Variants in SLC66A1 observed in about 807,000 individuals in gnomAD.
SLC66A1 encodes the protein lysosomal amino acid transporter 1 homolog.
A neutral mutation model predicts 33.0 loss-of-function variants in SLC66A1; 23 were observed. The ratio of observed to expected loss-of-function variants is 0.70; its 90% CI spans 0.50 to 0.99. SLC66A1 has a LOEUF of 0.99. Among genes scored for constraint, SLC66A1 ranks in the 50% least tolerant of loss-of-function variants. The pLI is 0.00. For missense variants in SLC66A1, 335 were observed against 383.6 expected, an observed-to-expected ratio of 0.87 and a Z score of 1.06; for synonymous variants, 164 against 175.5, an observed-to-expected ratio of 0.93 and a Z score of 0.52.
chr1:19,326,139 C>A, intron 4 of SLC66A1, 106 bp from the exon 5 acceptor site: 1 of 1,108,130 alleles, frequency 9.0e-7, no homozygotes, highest in South Asian at 1.5e-5. Context: ...GTCACTTGCC[C>A]AAGGTCACAC....
At chr1:19,327,611 T>C (rs2093876316) in intron 7 of SLC66A1, 199 bp downstream of exon 7, 2 of 738,996 alleles carry the variant, frequency 2.7e-6, no homozygotes, top group Non-Finnish European at 4.7e-6. Context: ...AGCTGGACCC[T>C]GGAGCCGTGA....
At position 19,322,282 on chromosome 1, in the gene SLC66A1, C is replaced by G. The variant is rs140664965; in HGVS notation, c.165-2351C>G. Reference sequence around the variant, plus strand: ...TCCTCAGGACTATCCGAGTTGCTGGCTGAGGATCCCCCTTTCTGCCTGGGC... The same window carrying G: ...TCCTCAGGACTATCCGAGTTGCTGGGTGAGGATCCCCCTTTCTGCCTGGGC... On this transcript the variant is annotated intron_variant, in intron 2 of 7. Coordinates refer to ENST00000375153, the MANE Select transcript of SLC66A1 (RefSeq NM_001040125.2). 1.7e-3 allele frequency among the ~76,000 whole-genome samples: 264 copies of G among 152,206 alleles called. 2 individuals carry two copies. The highest frequency in any genetic ancestry group is 0.01 in the East Asian group (53 of 5,172).
rs2093882888 is a variant in SLC66A1 at position 19,328,720 on chromosome 1, G to T, written c.*77G>T. On this transcript the variant is annotated 3_prime_UTR_variant, in exon 8 of 8. Transcript: ENST00000375153. The surrounding 1 kb of genome is among the most constrained non-coding windows in gnomAD (Gnocchi z 4.7). The stretch of plus-strand genomic sequence containing the variant: ...GCAGGAGGAGGTGTGGACAGTGATG[G>T]TACGGCGGCCCTGCATCAGCCTGCG... The T allele has an allele frequency of 6.7e-7, 1 of 1,496,284 alleles. No individual in the cohort carries two copies. Among genetic ancestry groups the T allele is most frequent in the Admixed American group, 1.8e-5 (1 of 54,834 alleles). 92.7% of individuals were successfully genotyped at this position (1,496,284 alleles called of 1,614,324 possible). A position where few individuals can be genotyped will look rare whatever the true frequency, so the allele number is the denominator to read the frequency against.
chr1:19,317,952 A>G (rs1437379092), intron 2 of SLC66A1, 111 bp downstream of exon 2: 8 of 1,474,820 alleles, frequency 5.4e-6, no homozygotes, highest in South Asian at 3.9e-5. Context: ...TCTCCAGACT[A>G]GAGGCTGGGG....
rs138299026 is a variant in SLC66A1, at chr1:19,313,722, G to A, written c.-79+833G>A. Among the ~76,000 whole-genome samples, 89 of 152,354 alleles carry A rather than the reference G, an allele frequency of 5.8e-4. 1 individual carries two copies. Among genetic ancestry groups the A allele is most frequent in the African/African-American group, 2.1e-3 (86 of 41,592 alleles). On this transcript the variant is annotated intron_variant, in intron 1 of 7. Coordinates refer to ENST00000375153, the MANE Select transcript of SLC66A1 (RefSeq NM_001040125.2). ...ACGTGGGTCAGGAGGCAGGAGATAA[G>A]GTTGGGAGGGCAGTTCTTGGAGTAA... is the stretch of plus-strand genomic sequence containing the variant.
At chr1:19,321,234 T>C (rs1299641446) in intron 2 of SLC66A1, among the ~76,000 whole-genome samples, 1 of 140,048 alleles carries the variant, frequency 7.1e-6, no homozygotes, top group African/African-American at 2.9e-5. Context: ...AGTGCAGTAG[T>C]GTGATCACAT....
At chr1:19,333,326 G>C (rs994396484), downstream of SLC66A1, among the ~76,000 whole-genome samples, 1 of 152,090 alleles carries the variant, frequency 6.6e-6, no homozygotes, top group African/African-American at 2.4e-5. This position sits in a 1 kb window ranked among gnomAD's most constrained non-coding sequence, Gnocchi z 4.2. Flanking sequence ...TCCCACTTGA[G>C]TGCCACCACG....
chr1:19,320,682 T>C (rs1477487482), intron 2 of SLC66A1, among the ~76,000 whole-genome samples: 1 of 151,604 alleles, frequency 6.6e-6, no homozygotes, highest in Non-Finnish European at 1.5e-5. Context: ...CCCAAAGTGC[T>C]GGGATTACAG....
downstream of SLC66A1, among the ~76,000 whole-genome samples, chr1:19,329,924 G>T (rs1381777640): frequency 6.6e-6 from 1 of 152,076 alleles, no homozygotes; most frequent in Admixed American, 6.5e-5. Context: ...GAGTGGAGAG[G>T]AGGGCAGAGC....
chr1:19,328,745 G>A lies in SLC66A1; in HGVS notation c.*102G>A, dbSNP rs1284091362. Reference sequence around the variant, plus strand: ...GTACGGCGGCCCTGCATCAGCCTGCGGGTGGCCTCTGGATCCTCCGTGGAC... The same window carrying A: ...GTACGGCGGCCCTGCATCAGCCTGCAGGTGGCCTCTGGATCCTCCGTGGAC... On this transcript the variant is annotated 3_prime_UTR_variant, in exon 8 of 8. Transcript: ENST00000375153. The surrounding 1 kb of genome is among the most constrained non-coding windows in gnomAD (Gnocchi z 4.7). 1.1e-5 allele frequency: 14 copies of A among 1,317,904 alleles called. No individual in the cohort carries two copies. Among genetic ancestry groups the A allele is most frequent in the African/African-American group, 7.3e-5 (5 of 68,650 alleles). The allele number at this position is 1,317,904 out of a possible 1,614,324, so 81.6% of individuals were successfully genotyped here.
At chr1:19,321,826 A>G (rs1001119566) in intron 2 of SLC66A1, among the ~76,000 whole-genome samples, 1 of 140,990 alleles carries the variant, frequency 7.1e-6, no homozygotes, top group South Asian at 2.1e-4. Context: ...CTCAGCCTCC[A>G]AAAGTGCTGG....
chr1:19,331,867 G>GACAT (rs1197070580), downstream of SLC66A1, among the ~76,000 whole-genome samples: 1 of 152,210 alleles, frequency 6.6e-6, no homozygotes, highest in Non-Finnish European at 1.5e-5. Flanking sequence ...CTGATGGGGT[G>GACAT]ACATAATCCC....
chr1:19,316,087 C>A (rs926234419), intron 1 of SLC66A1, among the ~76,000 whole-genome samples: 1 of 152,226 alleles, frequency 6.6e-6, no homozygotes, highest in African/African-American at 2.4e-5. Context: ...AATGACTGCT[C>A]TACTCACTGT....
In SLC66A1 at chr1:19,321,630, G is replaced by A. The variant is rs987698950; in HGVS notation, c.165-3003G>A. Among the ~76,000 whole-genome samples the A allele has an allele frequency of 6.6e-4, 97 of 147,990 alleles. 11 individuals are homozygous for A. Among genetic ancestry groups the A allele is most frequent in the African/African-American group, 2.3e-3 (88 of 38,274 alleles). ...TGTTCAGGCTGGAGTGCAGTGGTGC[G>A]ATCTCAGCTCACTGCAACATCCTCC... On this transcript the variant is annotated intron_variant, in intron 2 of 7. Coordinates refer to ENST00000375153, the MANE Select transcript of SLC66A1 (RefSeq NM_001040125.2).
At chr1:19,331,602 C>T (rs1171868442), downstream of SLC66A1, among the ~76,000 whole-genome samples, 1 of 152,190 alleles carries the variant, frequency 6.6e-6, no homozygotes, top group Non-Finnish European at 1.5e-5. Flanking sequence ...GCCGAGATTT[C>T]AGGATAAGTT....
chr1:19,332,707 TA>T (rs1445998076), downstream of SLC66A1, among the ~76,000 whole-genome samples: 2 of 152,234 alleles, frequency 1.3e-5, no homozygotes, highest in Non-Finnish European at 2.9e-5. Flanking sequence ...GTTACCAAGT[TA>T]AACGCCTCCA....
At chr1:19,316,115 C>T (rs146927501) in intron 1 of SLC66A1, among the ~76,000 whole-genome samples, 29 of 152,274 alleles carry the variant, frequency 1.9e-4, no homozygotes, top group African/African-American at 6.3e-4. Flanking sequence ...GCCCGGGTAG[C>T]GGGAGAGGCC....
chr1:19,317,361 A>G (rs1283626582), intron 1 of SLC66A1, among the ~76,000 whole-genome samples: 1 of 152,128 alleles, frequency 6.6e-6, no homozygotes, highest in Non-Finnish European at 1.5e-5. Flanking sequence ...ATTTGAACAC[A>G]CCCGTCCCTT....
At chr1:19,313,055 G>A (rs952027170) in intron 1 of SLC66A1, 166 bp downstream of exon 1, 5 of 246,066 alleles carry the variant, frequency 2.0e-5, no homozygotes, top group African/African-American at 1.2e-4. Flanking sequence ...GGCTGTTGGT[G>A]TTGAGTGCCA....
Sources: allele counts gnomAD v4.1 joint callset (sites outside exome capture counted in the v4.1 genomes callset), GRCh38; gene constraint gnomAD v4.1.1; non-coding constraint Gnocchi (gnomAD v3.1); transcripts MANE v1.5; gene names NCBI Gene and HGNC (gene_info 2026-07-23, HGNC 2026-07-21).